The following GALK2 variants were observed in gnomAD, a reference collection of about 807,000 sequenced individuals.
The protein encoded by GALK2 is galactokinase 2.
A neutral mutation model predicts 52.4 loss-of-function variants in GALK2; 36 were observed. The ratio of observed to expected loss-of-function variants is 0.69; its 90% CI spans 0.53 to 0.91. The LOEUF is 0.91. Ranked by LOEUF, GALK2 falls within the 40% of genes least tolerant of loss-of-function variation. The probability of loss-of-function intolerance (pLI) is 0.00; values close to 1 mark genes in which losing one functional copy is unlikely to be tolerated. For missense variants in GALK2, 579 were observed against 559.1 expected (o/e 1.04, Z -0.36); for synonymous variants, 176 against 199.1 (o/e 0.88, Z 0.98).
At chr15:49,313,485 C>T (rs986941108) in intron 8 of GALK2, among the ~76,000 whole-genome samples, 1 of 152,198 alleles carries the variant, frequency 6.6e-6, no homozygotes, top group African/African-American at 2.4e-5. Flanking sequence ...GTGGCTCAGG[C>T]CCCTCTCCTG....
chr15:49,199,475 C>T (rs1338177186), intron 1 of GALK2, among the ~76,000 whole-genome samples: 1 of 152,246 alleles, frequency 6.6e-6, no homozygotes, highest in Non-Finnish European at 1.5e-5. Context: ...CAGTTATTGT[C>T]TCCCTGCTGC....
chr15:49,288,418 CA>C (rs1314413239), intron 7 of GALK2, among the ~76,000 whole-genome samples: 2 of 152,174 alleles, frequency 1.3e-5, no homozygotes, highest in African/African-American at 4.8e-5. Context: ...CCTGTCTGGT[CA>C]GGGGCCATCA....
exon 1 of GALK2, chr15:49,155,977 T>G: frequency 6.2e-7 from 1 of 1,614,082 alleles, no homozygotes; most frequent in Non-Finnish European, 8.5e-7. Context: ...CCAGAAGCCT[T>G]TCGCGGAGAA....
intron 1 of GALK2, among the ~76,000 whole-genome samples, chr15:49,171,095 T>TTTCTTTTTC (rs1566899671): frequency 6.7e-6 from 1 of 149,172 alleles, no homozygotes; most frequent in African/African-American, 2.5e-5. Context: ...TTTTTTTTTT[T>TTTCTTTTTC]TTTTGAGACG....
Position 49,172,539 on chromosome 15 carries a change from GA to G in GALK2, c.53+2172del, listed in dbSNP as rs1191982615. ...TCAAGTATTGCAATATGCTGAGAAG[GA>G]AAAAAAATGAATGAATGGTCAGCCT... On this transcript the variant is annotated intron_variant, in intron 1 of 9. Transcript: ENST00000560031. Among the ~76,000 whole-genome samples the G allele has an allele frequency of 3.3e-5, 5 of 151,852 alleles. No homozygotes were observed. In the South Asian group the frequency reaches 6.2e-4, roughly 19 times the overall value.
At chr15:49,303,154 GA>G (rs972723461) in intron 8 of GALK2, among the ~76,000 whole-genome samples, 1 of 151,682 alleles carries the variant, frequency 6.6e-6, no homozygotes, top group African/African-American at 2.4e-5. Context: ...GTTTCCTAGG[GA>G]AAAAAAATGG....
At chr15:49,360,283 C>A (rs970892426) in intron 3 of GALK2, among the ~76,000 whole-genome samples, 25 of 151,176 alleles carry the variant, frequency 1.7e-4, no homozygotes, top group African/African-American at 6.1e-4. Context: ...ATAGTGGGAG[C>A]ATGTGTTTAT....
chr15:49,367,519 C>T, exon 4 of GALK2: 1 of 1,605,974 alleles, frequency 6.2e-7, no homozygotes, highest in Non-Finnish European at 8.5e-7. Flanking sequence ...CCAGCTCATG[C>T]ATCTTAAGAT....
At chr15:49,350,815 A>G (rs957085216) in intron 3 of GALK2, among the ~76,000 whole-genome samples, 6 of 152,176 alleles carry the variant, frequency 3.9e-5, no homozygotes, top group African/African-American at 1.4e-4. Flanking sequence ...TATGCGAGCC[A>G]AAGACAAAGT....
At chr15:49,362,468 G>C (rs1164170903) in intron 3 of GALK2, among the ~76,000 whole-genome samples, 7 of 151,974 alleles carry the variant, frequency 4.6e-5, no homozygotes, top group Admixed American at 1.3e-4. Context: ...GGTTCAGGTA[G>C]TTCTTTATAG....
In GALK2 at chr15:49,212,108, T is replaced by A. The variant is rs117052892; in HGVS notation, c.143-5082T>A. Among the ~76,000 whole-genome samples, 967 of 152,332 alleles carry A rather than the reference T, an allele frequency of 6.3e-3. 4 individuals carry two copies. Among genetic ancestry groups the A allele is most frequent in the Non-Finnish European group, 9.1e-3 (620 of 68,030 alleles). On this transcript the variant is annotated intron_variant, in intron 2 of 9. Coordinates refer to ENST00000560031, the MANE Select transcript of GALK2 (RefSeq NM_002044.4). ...TTTATTTTTTACTTTTTCTTTTTTG[T>A]TTGAAATGGAGTCTCGCTCTGTTGC...
At chr15:49,234,057 A>G (rs2090654065) in intron 3 of GALK2, among the ~76,000 whole-genome samples, 1 of 152,200 alleles carries the variant, frequency 6.6e-6, no homozygotes, top group Non-Finnish European at 1.5e-5. Context: ...CATGGAAGGC[A>G]TCTATTACAA....
chr15:49,298,426 T>C (rs2034670978), intron 8 of GALK2, among the ~76,000 whole-genome samples: 1 of 152,268 alleles, frequency 6.6e-6, no homozygotes, highest in South Asian at 2.1e-4. Flanking sequence ...TCTTGCCTGA[T>C]TGCTGTGGCT....
intron 8 of GALK2, 51 bp downstream of exon 8, chr15:49,292,588 G>A (rs375092368): frequency 1.0e-4 from 152 of 1,459,174 alleles, no homozygotes; most frequent in Non-Finnish European, 1.4e-4. Flanking sequence ...ACTTACAGCT[G>A]GAAGGTTTCA....
chr15:49,155,791 A>G (rs1401178704), exon 1 of GALK2: 2 of 679,098 alleles, frequency 2.9e-6, no homozygotes, highest in East Asian at 5.4e-5. Flanking sequence ...TTGGTGCCTT[A>G]GCAACTAAAG....
intron 3 of GALK2, among the ~76,000 whole-genome samples, chr15:49,360,970 C>T (rs1175694625): frequency 4.6e-5 from 7 of 152,022 alleles, no homozygotes; most frequent in Admixed American, 4.6e-4. Flanking sequence ...TGTCATCCTC[C>T]CTCTTGTGAT....
In GALK2 at chr15:49,170,347, C is replaced by T. The variant is rs757436137; in HGVS notation, c.25C>T (p.Arg9Cys). MATESPAT[R>C]RVQVAEHPRL... ...TATGGCTACAGAGAGCCCTGCTACG[C>T]GTCGGGTCCAGGTGGCAGAACATCC... The change falls in exon 1 of 10, where the codon CGT becomes TGT. Residue 9 changes from arginine (R) to cysteine (C), a missense_variant. Arg to Cys is a radical substitution (Grantham distance 180). Transcript: ENST00000560031. The T allele has an allele frequency of 2.5e-6, 4 of 1,592,370 alleles. No individual in the cohort carries two copies. The East Asian group carries it at 6.8e-5, about 27-fold the overall frequency.
chr15:49,181,499 G>C (rs1052946537), intron 1 of GALK2, among the ~76,000 whole-genome samples: 1 of 138,408 alleles, frequency 7.2e-6, no homozygotes, highest in Non-Finnish European at 1.6e-5. Flanking sequence ...TTAAAAAAAA[G>C]ACTTTTTTTT....
chr15:49,163,653 T>C (rs1248651886), intron 1 of GALK2, among the ~76,000 whole-genome samples: 2 of 152,236 alleles, frequency 1.3e-5, no homozygotes, highest in African/African-American at 4.8e-5. Context: ...TCAGCATAAT[T>C]TGATCCTTTT....
Sources: allele counts gnomAD v4.1 joint callset (sites outside exome capture counted in the v4.1 genomes callset), GRCh38; gene constraint gnomAD v4.1.1; transcripts MANE v1.5; gene names NCBI Gene and HGNC (gene_info 2026-07-23, HGNC 2026-07-21).